Variants in CLIP1 observed in about 807,000 individuals in gnomAD.
CLIP1 encodes the protein CAP-Gly domain containing linker protein 1.
Under a neutral mutation model 161.6 loss-of-function variants are expected in CLIP1, and 66 were observed. That is an observed-to-expected ratio of 0.41 (90% CI 0.33 to 0.50). The LOEUF is 0.50. Ranked by LOEUF, CLIP1 falls within the 20% of genes least tolerant of loss-of-function variation. The pLI is 0.27. For synonymous variants in CLIP1, 598 were observed against 626.2 expected (o/e 0.96, Z 0.67); for missense variants, 1,376 against 1,702.0 (o/e 0.81, Z 3.37).
Position 122,279,090 on chromosome 12 carries a change from T to A in CLIP1, c.3703A>T (p.Ile1235Phe). The part of the protein sequence containing the change: ...DEEKASLQKS[I>F]SITSALLTEK... ...GTGAGTAAGGCACTAGTTATACTGA[T>A]GGATTTCTGCAAGGAAGCTTTCTCT... is the stretch of plus-strand genomic sequence containing the variant. The change falls in exon 22 of 26, where the codon ATC (isoleucine) becomes TTC (phenylalanine). Residue 1235 changes from isoleucine (I) to phenylalanine (F), a missense_variant. Coordinates refer to ENST00000620786, the MANE Select transcript of CLIP1 (RefSeq NM_001247997.2). This position sits in a 1 kb window ranked among gnomAD's most constrained non-coding sequence, Gnocchi z 4.5. The A allele has an allele frequency of 6.2e-7, 1 of 1,613,284 alleles. No individual in the cohort carries two copies. The highest frequency in any genetic ancestry group is 1.1e-5 in the South Asian group (1 of 90,838).
intron 20 of CLIP1, among the ~76,000 whole-genome samples, chr12:122,290,219 T>C (rs548411562): frequency 1.6e-4 from 25 of 152,340 alleles, no homozygotes; most frequent in Admixed American, 9.8e-4. Context: ...TTCTTAAATA[T>C]ACATTATGTT....
Position 122,347,368 on chromosome 12 carries a change from C to A in CLIP1, c.1506+7G>T, listed in dbSNP as rs1014964658. The A allele has an allele frequency of 6.3e-7, 1 of 1,590,372 alleles. No individual in the cohort carries two copies. Among genetic ancestry groups the A allele is most frequent in the Non-Finnish European group, 8.6e-7 (1 of 1,158,924 alleles). On this transcript the variant is annotated splice_region_variant and intron_variant, in intron 10 of 25. Transcript: ENST00000620786. ...GGTCTGCTTCATTAAATAGTGAAAA[C>A]CATTACCCTAGTGTCTTCTAACTCC...
chr12:122,302,909 C>T (rs1047094667), intron 20 of CLIP1, among the ~76,000 whole-genome samples: 3 of 151,930 alleles, frequency 2.0e-5, no homozygotes, highest in African/African-American at 7.3e-5. Context: ...AATATAGATA[C>T]ATTTTTGAGA....
At chr12:122,302,474 A>C (rs1950720572) in intron 20 of CLIP1, among the ~76,000 whole-genome samples, 1 of 152,098 alleles carries the variant, frequency 6.6e-6, no homozygotes, top group South Asian at 2.1e-4. Context: ...ATTTTGGACC[A>C]ATTTTTCCCA....
At chr12:122,381,965 C>T (rs1013535790) in intron 1 of CLIP1, among the ~76,000 whole-genome samples, 1 of 152,246 alleles carries the variant, frequency 6.6e-6, no homozygotes, top group Non-Finnish European at 1.5e-5. Context: ...TGGCTCACGC[C>T]TGTAATCCCA....
chr12:122,377,010 C>T (rs116444009), intron 3 of CLIP1, among the ~76,000 whole-genome samples: 3,358 of 148,928 alleles, frequency 0.023, 123 homozygotes, highest in African/African-American at 0.075. Flanking sequence ...GTATTTCTGG[C>T]ATTTTTTTTT....
chr12:122,284,965 G>C (rs1432492896), intron 21 of CLIP1, among the ~76,000 whole-genome samples: 1 of 151,754 alleles, frequency 6.6e-6, no homozygotes, highest in South Asian at 2.1e-4. Context: ...TTAGAGACAG[G>C]GTCTCACTAT....
intron 20 of CLIP1, among the ~76,000 whole-genome samples, chr12:122,291,307 A>G (rs1950240163): frequency 6.6e-6 from 1 of 151,862 alleles, no homozygotes. Flanking sequence ...CTCCTGTCTC[A>G]GCCTCCCAAA....
At position 122,272,988 on chromosome 12, in the gene CLIP1, CCT is replaced by C. The variant is rs1257646243; in HGVS notation, c.4202_4203del (p.Glu1401GlyfsTer13). The C allele has an allele frequency of 6.2e-7, 1 of 1,614,044 alleles. No individual in the cohort carries two copies. Among genetic ancestry groups the C allele is most frequent in the Non-Finnish European group, 8.5e-7 (1 of 1,180,044 alleles). ...CCATGGTGTGTGGAATGGGGAGGGT[CCT>C]CTGACATCTGTGCCTGGGTAGGACA... ...EDCPTQAQMS[E>X]DPPHSTHHGS... On this transcript the variant is annotated frameshift_variant, in exon 26 of 26. Transcript: ENST00000620786. LOFTEE classifies it high-confidence loss of function.
intron 1 of CLIP1, among the ~76,000 whole-genome samples, chr12:122,390,354 C>T (rs1176639814): frequency 6.8e-6 from 1 of 146,340 alleles, no homozygotes; most frequent in African/African-American, 2.5e-5. Flanking sequence ...GCTCTGCACC[C>T]AGGCTGAAGT....
At chr12:122,353,874 A>G (rs939499261) in intron 7 of CLIP1, among the ~76,000 whole-genome samples, 1 of 150,572 alleles carries the variant, frequency 6.6e-6, no homozygotes, top group Non-Finnish European at 1.5e-5. Flanking sequence ...CAAGTGATCC[A>G]CCCGCCTCAG....
chr12:122,361,035 CT>C lies in CLIP1; in HGVS notation c.928del (p.Ser310AlafsTer10), dbSNP rs1338987747. ...GGAGCTGAGGGAAGAGGCAGAAGGG[CT>C]GCGCTTCAGGCTGGCGGACGTGGTC... ...MATTSASLKRSPSASSLSSMS... is the reference protein window; with the variant it reads ...MATTSASLKRXPSASSLSSMS... On this transcript the variant is annotated frameshift_variant, in exon 5 of 26. Coordinates refer to ENST00000620786, the MANE Select transcript of CLIP1 (RefSeq NM_001247997.2). LOFTEE classifies it high-confidence loss of function. 6.2e-7 allele frequency: 1 copy of C among 1,614,218 alleles called. No individual in the cohort carries two copies. The highest frequency in any genetic ancestry group is 8.5e-7 in the Non-Finnish European group (1 of 1,180,036).
rs1040999280 is a variant in CLIP1 at position 122,387,497 on chromosome 12, A to G, written c.-106-6939T>C. Among the ~76,000 whole-genome samples, 33 of 148,578 alleles carry G rather than the reference A, an allele frequency of 2.2e-4. 1 individual carries two copies. Among genetic ancestry groups the G allele is most frequent in the Non-Finnish European group, 5.9e-5 (4 of 67,656 alleles). ...TAAGAGTGTGATGAAGCATTTCATA[A>G]AGGAGATAAATAATTTTGTTAAATT... On this transcript the variant is annotated intron_variant, in intron 1 of 25. Transcript: ENST00000620786.
At chr12:122,305,765 C>T (rs1354017405) in intron 20 of CLIP1, among the ~76,000 whole-genome samples, 1 of 151,910 alleles carries the variant, frequency 6.6e-6, no homozygotes, top group Non-Finnish European at 1.5e-5. Flanking sequence ...CCAGCTTGAC[C>T]AGAATAAAAA....
intron 1 of CLIP1, among the ~76,000 whole-genome samples, chr12:122,419,685 C>T (rs1190093158): frequency 3.3e-5 from 5 of 151,978 alleles, no homozygotes; most frequent in Non-Finnish European, 7.4e-5. Flanking sequence ...CCTGTAATCC[C>T]AGCACTTTGG....
rs188727935 is a variant in CLIP1, at chr12:122,276,502, G to A, written c.3966+1652C>T. 3.3e-5 allele frequency: 43 copies of A among 1,287,640 alleles called. No individual in the cohort carries two copies. In the East Asian group the frequency reaches 2.2e-3, roughly 65 times the overall value. 79.8% of individuals were successfully genotyped at this position (1,287,640 alleles called of 1,614,324 possible). A position where few individuals can be genotyped will look rare whatever the true frequency, so the allele number is the denominator to read the frequency against. On this transcript the variant is annotated intron_variant, in intron 24 of 25. Transcript: ENST00000620786. ...TGAAACAAACCGAAGCAGAAAGGAA[G>A]GGGGAAGAGAAGACACTGTTAGTTA...
chr12:122,377,271 G>A, intron 3 of CLIP1, 118 bp downstream of exon 3: 1 of 891,788 alleles, frequency 1.1e-6, no homozygotes, highest in Admixed American at 2.4e-5. Context: ...GCCTCCCAAA[G>A]TGCTGGGATT....
intron 12 of CLIP1, 26 bp downstream of exon 12, chr12:122,336,606 G>A: frequency 8.6e-7 from 1 of 1,166,718 alleles, no homozygotes; most frequent in African/African-American, 1.5e-5. Flanking sequence ...GAAACCCTGA[G>A]ATTCAGATTC....
chr12:122,317,245 CTT>C (rs1951307211), intron 18 of CLIP1, among the ~76,000 whole-genome samples: 2 of 152,154 alleles, frequency 1.3e-5, no homozygotes, highest in Admixed American at 6.5e-5. Flanking sequence ...AAAAGAAACC[CTT>C]TTCTTTCCCC....
Sources: gnomAD v4.1 joint callset for allele counts (sites outside exome capture counted in the v4.1 genomes callset) on GRCh38, gnomAD v4.1.1 for gene constraint, Gnocchi (gnomAD v3.1) non-coding constraint, MANE v1.5 for transcripts, NCBI Gene and HGNC (gene_info 2026-07-23, HGNC 2026-07-21) for gene names.